Variants in ASIC2 observed in about 807,000 individuals in gnomAD.
ASIC2 encodes acid-sensing ion channel 2.
ASIC2 carries 25 observed loss-of-function variants against 57.3 expected under a neutral mutation model. The observed-to-expected ratio is 0.44, with a 90% CI of 0.32 to 0.61. ASIC2 has a LOEUF of 0.61. Among genes scored for constraint, ASIC2 ranks in the 20% least tolerant of loss-of-function variants. ASIC2 has a pLI of 0.06. For missense variants in ASIC2, 641 were observed against 738.1 expected (o/e 0.87, Z 1.52); for synonymous variants, 319 against 307.5 (o/e 1.04, Z -0.39).
intron 1 of ASIC2, among the ~76,000 whole-genome samples, chr17:34,021,910 T>C (rs555092044): frequency 6.8e-6 from 1 of 147,388 alleles, no homozygotes; most frequent in Non-Finnish European, 1.5e-5. Flanking sequence ...CAATCTCGGC[T>C]CACTGCAAAC....
intron 1 of ASIC2, among the ~76,000 whole-genome samples, chr17:33,528,317 T>C (rs1423362442): frequency 2.0e-5 from 3 of 152,012 alleles, no homozygotes; most frequent in Non-Finnish European, 4.4e-5. Flanking sequence ...GGGAGGCCAA[T>C]CCATTTAATT....
intron 1 of ASIC2, chr17:34,037,836 C>CT: frequency 6.2e-7 from 1 of 1,614,082 alleles, no homozygotes; most frequent in Non-Finnish European, 8.5e-7. Flanking sequence ...GGGAACTGCA[C>CT]TTCAGTAGCT....
chr17:33,233,514 TCACACACACACA>T (rs36203893), intron 1 of ASIC2, among the ~76,000 whole-genome samples: 25,596 of 146,956 alleles, frequency 0.17, 2,408 homozygotes, highest in Middle Eastern at 0.34. Flanking sequence ...AATTGGAAAT[TCACACACACACA>T]CACACACACA....
chr17:33,330,318 T>C (rs1261424253), intron 1 of ASIC2, among the ~76,000 whole-genome samples: 2 of 152,170 alleles, frequency 1.3e-5, no homozygotes, highest in African/African-American at 2.4e-5. Flanking sequence ...GTTTCCCAGC[T>C]CATTCTGTGC....
chr17:33,520,036 A>C (rs188233334), intron 1 of ASIC2, among the ~76,000 whole-genome samples: 17 of 152,328 alleles, frequency 1.1e-4, no homozygotes, highest in African/African-American at 3.8e-4. Flanking sequence ...TCATGTGTTA[A>C]TTATTGCCAT....
chr17:33,354,331 C>T (rs931167592), intron 1 of ASIC2, among the ~76,000 whole-genome samples: 1 of 152,146 alleles, frequency 6.6e-6, no homozygotes, highest in Non-Finnish European at 1.5e-5. Flanking sequence ...CCACTATGAG[C>T]CCCCTGGAGG....
At chr17:33,724,695 GT>G (rs889587801) in intron 1 of ASIC2, among the ~76,000 whole-genome samples, 2 of 152,172 alleles carry the variant, frequency 1.3e-5, no homozygotes, top group African/African-American at 4.8e-5. Context: ...TTGGGAAGTA[GT>G]GGGGAGAAAT....
At chr17:33,884,602 C>T (rs752032180) in intron 1 of ASIC2, among the ~76,000 whole-genome samples, 169 of 152,090 alleles carry the variant, frequency 1.1e-3, no homozygotes, top group Non-Finnish European at 2.2e-3. Context: ...TGTTCTCCCT[C>T]TCTATCCCTC....
chr17:33,620,401 A>C (rs1161769875), intron 1 of ASIC2, among the ~76,000 whole-genome samples: 1 of 152,216 alleles, frequency 6.6e-6, no homozygotes, highest in African/African-American at 2.4e-5. Flanking sequence ...TTTTAAATTT[A>C]GGCAACTCGT....
At chr17:33,225,527 A>G (rs1420962933) in intron 1 of ASIC2, among the ~76,000 whole-genome samples, 2 of 152,234 alleles carry the variant, frequency 1.3e-5, no homozygotes, top group East Asian at 1.9e-4. Context: ...AATAAGAGTA[A>G]GCCCTCTGAT....
rs1356221915 is a variant in ASIC2 at position 33,013,927 on chromosome 17, G to A, written c.*38C>T. On this transcript the variant is annotated 3_prime_UTR_variant, in exon 10 of 10. Transcript: ENST00000225823. ...CCTTGTCCTGGGTCTTGGGCCTCAA[G>A]GTCTGTTTGGAGGGAGTGCTGGGTG... 1.3e-6 allele frequency: 2 copies of A among 1,496,842 alleles called. No homozygotes were observed. Among genetic ancestry groups the A allele is most frequent in the East Asian group, 4.9e-5 (2 of 41,146 alleles). The allele number at this position is 1,496,842 out of a possible 1,614,324, so 92.7% of individuals were successfully genotyped here.
chr17:33,407,456 C>G (rs554957800), intron 1 of ASIC2, among the ~76,000 whole-genome samples: 1 of 152,278 alleles, frequency 6.6e-6, no homozygotes, highest in Admixed American at 6.5e-5. Flanking sequence ...TTTAAGACTC[C>G]CTTCAAGTGC....
chr17:33,524,427 G>T (rs993186415), intron 1 of ASIC2, among the ~76,000 whole-genome samples: 6 of 152,188 alleles, frequency 3.9e-5, no homozygotes, highest in Non-Finnish European at 5.9e-5. Flanking sequence ...TCTTTGATTG[G>T]AGTTGAGAGA....
intron 1 of ASIC2, among the ~76,000 whole-genome samples, chr17:33,433,900 T>A (rs1373721009): frequency 4.7e-5 from 6 of 128,344 alleles, no homozygotes; most frequent in East Asian, 2.3e-4. Context: ...GCTTAGGGAG[T>A]CAAAAAGTAT....
At chr17:33,112,436 C>G (rs2092262733) in intron 1 of ASIC2, among the ~76,000 whole-genome samples, 1 of 152,170 alleles carries the variant, frequency 6.6e-6, no homozygotes, top group Admixed American at 6.5e-5. Context: ...TCCAGACACA[C>G]TAGTTTCACT....
intron 1 of ASIC2, among the ~76,000 whole-genome samples, chr17:33,516,447 A>G (rs1381483151): frequency 6.6e-6 from 1 of 151,130 alleles, no homozygotes; most frequent in African/African-American, 2.4e-5. Flanking sequence ...AGGGGTGGTG[A>G]TGCTGTTGTT....
chr17:33,419,792 T>G (rs1160664577), intron 1 of ASIC2, among the ~76,000 whole-genome samples: 1 of 152,140 alleles, frequency 6.6e-6, no homozygotes, highest in Non-Finnish European at 1.5e-5. Flanking sequence ...ATCAAAAAGA[T>G]GGACTAACAT....
intron 1 of ASIC2, among the ~76,000 whole-genome samples, chr17:33,151,805 G>A (rs189740042): frequency 7.2e-5 from 11 of 152,226 alleles, no homozygotes; most frequent in Admixed American, 3.9e-4. Context: ...CTTCCCAGCC[G>A]CGGAACTGTA....
chr17:33,484,234 G>A lies in ASIC2; in HGVS notation c.556-372167C>T, dbSNP rs563867685. ...ACAGCAGCAAAAGGAAACTAATATA[G>A]TCCGACACATTTTATTCATAAGTAA... On this transcript the variant is annotated intron_variant, in intron 1 of 9. Transcript: ENST00000359872. 2.6e-5 allele frequency among the ~76,000 whole-genome samples: 4 copies of A among 152,298 alleles called. No homozygotes were observed. The South Asian group carries it at 6.2e-4, about 24-fold the overall frequency.
Sources: allele counts gnomAD v4.1 joint callset (sites outside exome capture counted in the v4.1 genomes callset), GRCh38; gene constraint gnomAD v4.1.1; transcripts MANE v1.5; gene names NCBI Gene and HGNC (gene_info 2026-07-23, HGNC 2026-07-21).